Variants in ST18 observed in about 807,000 individuals in gnomAD.
ST18 encodes ST18 C2H2C-type zinc finger transcription factor.
Under a neutral mutation model 110.0 loss-of-function variants are expected in ST18, and 50 were observed. That is an observed-to-expected ratio of 0.45 (90% CI 0.36 to 0.58). The LOEUF is 0.58. Ranked by LOEUF, ST18 falls within the 20% of genes least tolerant of loss-of-function variation. ST18 has a pLI of 0.00. For synonymous variants in ST18, 461 were observed against 452.4 expected, an observed-to-expected ratio of 1.02 and a Z score of -0.24; for missense variants, 1,306 against 1,280.1, an observed-to-expected ratio of 1.02 and a Z score of -0.31.
chr8:52,142,855 A>T (rs978258479), intron 17 of ST18, 75 bp downstream of exon 17: 1 of 1,109,818 alleles, frequency 9.0e-7, no homozygotes, highest in African/African-American at 1.6e-5. Context: ...ATAAGCCAGG[A>T]TATTGTAACT....
chr8:52,246,375 TAA>T (rs2093853393), intron 2 of ST18, among the ~76,000 whole-genome samples: 1 of 152,080 alleles, frequency 6.6e-6, no homozygotes, highest in African/African-American at 2.4e-5. Flanking sequence ...TGCATAATCT[TAA>T]GAGTTAAAGA....
intron 2 of ST18, among the ~76,000 whole-genome samples, chr8:52,380,727 C>T (rs978252351): frequency 6.6e-5 from 10 of 152,120 alleles, no homozygotes; most frequent in African/African-American, 2.2e-4. Flanking sequence ...AAGTATTAAT[C>T]TCCTCCTAGA....
intron 2 of ST18, among the ~76,000 whole-genome samples, chr8:52,362,994 G>A (rs375739608): frequency 1.8e-4 from 27 of 152,274 alleles, no homozygotes; most frequent in East Asian, 1.2e-3. Flanking sequence ...GGCGGATCAC[G>A]AGGTCAGGAG....
chr8:52,388,101 A>G (rs946468124), intron 2 of ST18, among the ~76,000 whole-genome samples: 5 of 152,236 alleles, frequency 3.3e-5, no homozygotes, highest in African/African-American at 1.2e-4. Context: ...GCTTGTTTCG[A>G]AAATGCGAGT....
intron 2 of ST18, among the ~76,000 whole-genome samples, chr8:52,333,543 G>A (rs1016848918): frequency 9.4e-4 from 143 of 152,142 alleles, no homozygotes; most frequent in African/African-American, 1.2e-3. Flanking sequence ...CTTGAAAGGA[G>A]CAAATGATAG....
intron 2 of ST18, among the ~76,000 whole-genome samples, chr8:52,347,883 T>C (rs1237540471): frequency 6.6e-6 from 1 of 152,214 alleles, no homozygotes; most frequent in African/African-American, 2.4e-5. Flanking sequence ...ACAGACTGTT[T>C]CCAGAGTGCC....
At chr8:52,365,560 C>G (rs1363381213) in intron 2 of ST18, among the ~76,000 whole-genome samples, 1 of 131,994 alleles carries the variant, frequency 7.6e-6, no homozygotes, top group East Asian at 2.2e-4. Context: ...GGTAACTTTT[C>G]TCAGAGCAAC....
chr8:52,257,592 C>T (rs950109097), intron 2 of ST18, among the ~76,000 whole-genome samples: 2 of 151,898 alleles, frequency 1.3e-5, no homozygotes, highest in Non-Finnish European at 2.9e-5. Context: ...TTTTGGAGAA[C>T]TGTTTATCCA....
intron 8 of ST18, among the ~76,000 whole-genome samples, chr8:52,207,900 GTT>G (rs2080679408): frequency 6.6e-6 from 1 of 152,174 alleles, no homozygotes; most frequent in Non-Finnish European, 1.5e-5. Flanking sequence ...ATAGCATGAG[GTT>G]CAGACTAAGG....
intron 17 of ST18, among the ~76,000 whole-genome samples, chr8:52,140,635 T>G (rs1391728377): frequency 6.6e-6 from 1 of 152,148 alleles, no homozygotes; most frequent in Non-Finnish European, 1.5e-5. Flanking sequence ...AGTAATTTCT[T>G]AAGAATTTTT....
chr8:52,202,326 T>C (rs1412603369), intron 8 of ST18, among the ~76,000 whole-genome samples: 3 of 152,190 alleles, frequency 2.0e-5, no homozygotes, highest in Admixed American at 6.5e-5. Context: ...AGTAACATCA[T>C]GTACGAGGCC....
chr8:52,312,236 T>C (rs545616175), intron 2 of ST18, among the ~76,000 whole-genome samples: 2 of 152,258 alleles, frequency 1.3e-5, no homozygotes, highest in South Asian at 4.1e-4. Flanking sequence ...ATTGATCTAC[T>C]TCTCAAGGTC....
At chr8:52,242,434 G>A (rs994156292) in intron 2 of ST18, among the ~76,000 whole-genome samples, 2 of 152,202 alleles carry the variant, frequency 1.3e-5, no homozygotes, top group African/African-American at 4.8e-5. Flanking sequence ...CAAATGGCAT[G>A]GCTCTCCATG....
chr8:52,351,618 G>A (rs1327400598), intron 2 of ST18, among the ~76,000 whole-genome samples: 1 of 152,182 alleles, frequency 6.6e-6, no homozygotes, highest in African/African-American at 2.4e-5. Context: ...CACATGAATT[G>A]TCCTGTCAAG....
At chr8:52,141,967 G>A (rs1007648493) in intron 17 of ST18, among the ~76,000 whole-genome samples, 1 of 152,220 alleles carries the variant, frequency 6.6e-6, no homozygotes, top group Non-Finnish European at 1.5e-5. Context: ...CATGAGTCTA[G>A]AAGGGCTAGC....
intron 2 of ST18, chr8:52,254,340 T>G (rs1373612205): frequency 1.3e-5 from 2 of 152,198 alleles, no homozygotes; most frequent in East Asian, 3.9e-4. Context: ...GTAGTTCCCA[T>G]GATATGACAT....
chr8:52,276,892 G>A (rs911632311), intron 2 of ST18, among the ~76,000 whole-genome samples: 12 of 151,470 alleles, frequency 7.9e-5, no homozygotes, highest in African/African-American at 2.7e-4. Context: ...TCACCATCCT[G>A]AGTAGCTGGG....
intron 8 of ST18, among the ~76,000 whole-genome samples, chr8:52,202,386 A>G (rs927971688): frequency 6.6e-6 from 1 of 152,256 alleles, no homozygotes; most frequent in Non-Finnish European, 1.5e-5. Flanking sequence ...TAGTCAGCAT[A>G]TTAAAAAGGC....
chr8:52,132,393 C>T lies in ST18; in HGVS notation c.2445-214G>A, dbSNP rs560789590. 3.3e-5 allele frequency among the ~76,000 whole-genome samples: 5 copies of T among 152,126 alleles called. No individual in the cohort carries two copies. The South Asian group carries it at 8.3e-4, about 25-fold the overall frequency. On this transcript the variant is annotated intron_variant, in intron 21 of 25. Transcript: ENST00000689386. ...TCTACTGGGTAGAGAGTATTATTAT[C>T]CCATTTTGTAGATGAGGAATAATGA...
Sources: gnomAD v4.1 joint callset for allele counts (sites outside exome capture counted in the v4.1 genomes callset) on GRCh38, gnomAD v4.1.1 for gene constraint, MANE v1.5 for transcripts, NCBI Gene and HGNC (gene_info 2026-07-23, HGNC 2026-07-21) for gene names.